CSMD2: variants seen among roughly 807,000 people sequenced by gnomAD.
The protein encoded by CSMD2 is CUB and Sushi multiple domains 2.
In CSMD2, 130 loss-of-function variants were observed where a neutral mutation model predicts 398.5. The observed-to-expected ratio is 0.33, with a 90% CI of 0.28 to 0.38. The LOEUF is 0.38. CSMD2 is among the 10% of genes least tolerant of loss of function. The pLI, the probability that CSMD2 is intolerant of heterozygous loss-of-function variation, is 1.00. For synonymous variants in CSMD2, 1,828 were observed against 1,908.5 expected, an observed-to-expected ratio of 0.96 and a Z score of 1.10; for missense variants, 3,829 against 4,764.9, an observed-to-expected ratio of 0.80 and a Z score of 5.78.
intron 16 of CSMD2, among the ~76,000 whole-genome samples, chr1:33,726,018 C>G (rs1000807338): frequency 9.9e-5 from 15 of 152,226 alleles, no homozygotes; most frequent in Non-Finnish European, 7.3e-5. Flanking sequence ...TCTGGCTCTT[C>G]ACACAAAAGT....
intron 1 of CSMD2, among the ~76,000 whole-genome samples, chr1:34,092,431 C>T (rs184107879): frequency 1.8e-3 from 271 of 152,278 alleles, no homozygotes; most frequent in African/African-American, 6.1e-3. Flanking sequence ...GGAACAGCTC[C>T]CGTCCACAGC....
At chr1:34,069,695 C>T (rs1655508727) in intron 2 of CSMD2, among the ~76,000 whole-genome samples, 1 of 152,126 alleles carries the variant, frequency 6.6e-6, no homozygotes, top group Non-Finnish European at 1.5e-5. Flanking sequence ...CAACAATGTG[C>T]TTCAATTATT....
At chr1:33,827,882 T>A (rs1017303613) in intron 6 of CSMD2, among the ~76,000 whole-genome samples, 1 of 152,180 alleles carries the variant, frequency 6.6e-6, no homozygotes, top group African/African-American at 2.4e-5. Flanking sequence ...TCAGGGAAAC[T>A]GTAAACCTTC....
At chr1:34,075,643 C>A (rs1474158337) in intron 2 of CSMD2, among the ~76,000 whole-genome samples, 1 of 152,218 alleles carries the variant, frequency 6.6e-6, no homozygotes, top group Non-Finnish European at 1.5e-5. Context: ...CTGGTGCAGT[C>A]ATCACCAGCA....
intron 37 of CSMD2, among the ~76,000 whole-genome samples, chr1:33,621,863 A>G (rs1372282277): frequency 6.6e-6 from 1 of 152,190 alleles, no homozygotes; most frequent in Non-Finnish European, 1.5e-5. Context: ...CTGGGGGAGG[A>G]AAGCACAATT....
chr1:33,739,095 T>C (rs1329856922), intron 15 of CSMD2, 45 bp downstream of exon 15: 6 of 1,573,760 alleles, frequency 3.8e-6, no homozygotes, highest in Non-Finnish European at 5.2e-6. Context: ...CTCCCCAGCC[T>C]CTCTGGCTGA....
At chr1:34,055,818 C>T (rs1653766209) in intron 2 of CSMD2, among the ~76,000 whole-genome samples, 1 of 152,188 alleles carries the variant, frequency 6.6e-6, no homozygotes, top group South Asian at 2.1e-4. Context: ...ATCAACTCAA[C>T]CTTCAGCCCC....
chr1:33,613,868 A>G (rs940514881), intron 40 of CSMD2, among the ~76,000 whole-genome samples: 1 of 152,158 alleles, frequency 6.6e-6, no homozygotes, highest in African/African-American at 2.4e-5. Context: ...ACCAGCAATT[A>G]CATTTTGTAC....
chr1:33,973,703 C>A (rs542987656), intron 3 of CSMD2, among the ~76,000 whole-genome samples: 7 of 152,288 alleles, frequency 4.6e-5, no homozygotes, highest in Admixed American at 2.0e-4. Context: ...CACGTAAGAG[C>A]TGGCTGGGGA....
rs190906813 is a variant in CSMD2 at position 33,684,331 on chromosome 1, T to C, written c.4052+8599A>G. ...CCCTGAAGTTAAAAAACAAGGACTA[T>C]TAGCCAAATATGAGCTTTATGGGCA... On this transcript the variant is annotated intron_variant, in intron 25 of 70. Transcript: ENST00000373381. Among the ~76,000 whole-genome samples the C allele has an allele frequency of 3.3e-5, 5 of 152,318 alleles. No homozygotes were observed. The East Asian group carries it at 9.6e-4, about 29-fold the overall frequency.
chr1:33,593,756 T>C (rs1204028964), intron 44 of CSMD2, among the ~76,000 whole-genome samples: 3 of 152,232 alleles, frequency 2.0e-5, no homozygotes, highest in Non-Finnish European at 4.4e-5. Flanking sequence ...AATTGAATGA[T>C]TTTATTCTAC....
chr1:34,003,582 T>C (rs1011318623), intron 3 of CSMD2, among the ~76,000 whole-genome samples: 2 of 152,196 alleles, frequency 1.3e-5, no homozygotes, highest in Admixed American at 6.5e-5. Context: ...CACAGGAGGA[T>C]GCAGTCTCTC....
At position 33,918,235 on chromosome 1, in the gene CSMD2, G is replaced by C; in HGVS notation, c.779C>G (p.Ser260Trp). ...GCAGTCGGCATTGTTATGGTACTCC[G>C]AGGGGAAGTGGGGGCTGGAGATGAT... ...SGIISSPHFP[S>W]EYHNNADCTW... Residue 260 changes from serine to tryptophan, a missense_variant, in exon 5 of 71, where the codon TCG becomes TGG. Transcript: ENST00000373381. 1 of 1,614,164 alleles carries C rather than the reference G, an allele frequency of 6.2e-7. No individual in the cohort carries two copies. Among genetic ancestry groups the C allele is most frequent in the Non-Finnish European group, 8.5e-7 (1 of 1,180,044 alleles).
At chr1:33,993,748 A>G (rs1356068729) in intron 3 of CSMD2, among the ~76,000 whole-genome samples, 1 of 152,074 alleles carries the variant, frequency 6.6e-6, no homozygotes, top group Non-Finnish European at 1.5e-5. Flanking sequence ...ACTTCCTTGG[A>G]AGTCCCCCTC....
chr1:33,711,363 G>A (rs1343770256), intron 21 of CSMD2, among the ~76,000 whole-genome samples: 1 of 152,212 alleles, frequency 6.6e-6, no homozygotes, highest in Non-Finnish European at 1.5e-5. Context: ...TTTGGAGTTA[G>A]ATACATTGTG....
At chr1:33,966,175 G>A (rs1482215564) in intron 3 of CSMD2, among the ~76,000 whole-genome samples, 1 of 152,188 alleles carries the variant, frequency 6.6e-6, no homozygotes, top group Non-Finnish European at 1.5e-5. Context: ...AATCCAAGGA[G>A]TCCAGCCTTG....
At chr1:34,064,829 A>T (rs1217483252) in intron 2 of CSMD2, among the ~76,000 whole-genome samples, 8 of 152,180 alleles carry the variant, frequency 5.3e-5, no homozygotes, top group Admixed American at 5.2e-4. Flanking sequence ...TTACAGTTCC[A>T]CATGGCGGGG....
intron 3 of CSMD2, among the ~76,000 whole-genome samples, chr1:34,023,911 G>T (rs138252528): frequency 6.6e-6 from 1 of 152,184 alleles, no homozygotes; most frequent in Non-Finnish European, 1.5e-5. Flanking sequence ...CGTGGTAGAC[G>T]AATTGGTTGT....
intron 1 of CSMD2, among the ~76,000 whole-genome samples, chr1:34,159,032 G>A (rs1423539768): frequency 3.3e-5 from 5 of 152,190 alleles, no homozygotes; most frequent in Non-Finnish European, 5.9e-5. Context: ...GCCCAACAGG[G>A]TGGTCTAAAG....
Sources: gnomAD v4.1 joint callset for allele counts (sites outside exome capture counted in the v4.1 genomes callset) on GRCh38, gnomAD v4.1.1 for gene constraint, MANE v1.5 for transcripts, NCBI Gene and HGNC (gene_info 2026-07-23, HGNC 2026-07-21) for gene names.